The following CNTNAP2 variants were observed in gnomAD, a reference collection of about 807,000 sequenced individuals.
The protein encoded by CNTNAP2 is contactin associated protein 2.
Under a neutral mutation model 155.2 loss-of-function variants are expected in CNTNAP2, and 98 were observed. That is an observed-to-expected ratio of 0.63 (90% CI 0.54 to 0.75). CNTNAP2 has a LOEUF of 0.75. Among genes scored for constraint, CNTNAP2 ranks in the 30% least tolerant of loss-of-function variants. CNTNAP2 has a pLI of 0.00. For missense variants in CNTNAP2, 1,727 were observed against 1,688.1 expected (o/e 1.02, Z -0.40); for synonymous variants, 651 against 631.2 (o/e 1.03, Z -0.47).
intron 13 of CNTNAP2, among the ~76,000 whole-genome samples, chr7:147,751,804 T>C (rs554953603): frequency 6.6e-6 from 1 of 152,374 alleles, no homozygotes; most frequent in South Asian, 2.1e-4. Context: ...ATACATCCTC[T>C]TAGGTACCTG....
chr7:148,372,976 C>G (rs1037668780), intron 21 of CNTNAP2, among the ~76,000 whole-genome samples: 6 of 152,064 alleles, frequency 3.9e-5, no homozygotes, highest in African/African-American at 1.4e-4. Flanking sequence ...TTGCTTTGGC[C>G]TCCACAGGGT....
chr7:147,904,662 A>T (rs1355677387), intron 14 of CNTNAP2, among the ~76,000 whole-genome samples: 1 of 152,208 alleles, frequency 6.6e-6, no homozygotes, highest in African/African-American at 2.4e-5. Flanking sequence ...AACCAAAAAC[A>T]AATTCTGAGA....
intron 8 of CNTNAP2, among the ~76,000 whole-genome samples, chr7:147,193,625 C>A (rs1802724124): frequency 6.6e-6 from 1 of 152,068 alleles, no homozygotes; most frequent in Admixed American, 6.6e-5. Flanking sequence ...GGATGGGGAG[C>A]TCATGGAAGC....
At chr7:147,230,781 T>A (rs187505843) in intron 8 of CNTNAP2, among the ~76,000 whole-genome samples, 1 of 152,294 alleles carries the variant, frequency 6.6e-6, no homozygotes, top group Admixed American at 6.5e-5. Context: ...ACTATTCTCC[T>A]CTTTGTTTTT....
chr7:147,261,318 T>C (rs1332421198), intron 8 of CNTNAP2, among the ~76,000 whole-genome samples: 3 of 152,186 alleles, frequency 2.0e-5, no homozygotes, highest in Non-Finnish European at 4.4e-5. Context: ...ACTACTTCCT[T>C]ACTAAGCAAA....
chr7:147,348,762 G>GAATGAGCTAAA (rs1795921536), intron 9 of CNTNAP2, among the ~76,000 whole-genome samples: 1 of 151,958 alleles, frequency 6.6e-6, no homozygotes, highest in Non-Finnish European at 1.5e-5. Flanking sequence ...AACAACAGAT[G>GAATGAGCTAAA]AATGAGCTAA....
chr7:148,152,786 C>G (rs977222889), intron 17 of CNTNAP2, among the ~76,000 whole-genome samples: 1 of 151,958 alleles, frequency 6.6e-6, no homozygotes, highest in Non-Finnish European at 1.5e-5. Context: ...TTTGGGAGGC[C>G]GAGATGGGGG....
chr7:146,128,688 T>C (rs1797672498), intron 1 of CNTNAP2, among the ~76,000 whole-genome samples: 1 of 152,110 alleles, frequency 6.6e-6, no homozygotes, highest in African/African-American at 2.4e-5. Context: ...ATAAATACAA[T>C]TGAAAATGGA....
At chr7:148,237,160 C>T (rs1373751484) in intron 20 of CNTNAP2, among the ~76,000 whole-genome samples, 2 of 152,198 alleles carry the variant, frequency 1.3e-5, no homozygotes, top group African/African-American at 2.4e-5. Context: ...AGCACCCTGC[C>T]TTAAGATACC....
At position 146,295,560 on chromosome 7, in the gene CNTNAP2, T is replaced by G. The variant is rs1408190047; in HGVS notation, c.97+178587T>G. Among the ~76,000 whole-genome samples, 2 of 152,112 alleles carry G rather than the reference T, an allele frequency of 1.3e-5. 1 individual carries two copies. The highest frequency in any genetic ancestry group is 2.9e-5 in the Non-Finnish European group (2 of 67,992). ...AAATATGTGATAATCTAAATACATA[T>G]TATACCCCCATTCACCCATTAAAAT... On this transcript the variant is annotated intron_variant, in intron 1 of 23. Coordinates refer to ENST00000361727, the MANE Select transcript of CNTNAP2 (RefSeq NM_014141.6).
chr7:147,108,059 A>C, intron 4 of CNTNAP2, 88 bp from the exon 5 acceptor site: 4 of 1,161,810 alleles, frequency 3.4e-6, no homozygotes, highest in Admixed American at 1.8e-5. Flanking sequence ...CACTTACTTA[A>C]TTCTCATTTA....
chr7:146,924,281 C>T (rs1398994228), intron 3 of CNTNAP2, among the ~76,000 whole-genome samples: 1 of 151,952 alleles, frequency 6.6e-6, no homozygotes, highest in Non-Finnish European at 1.5e-5. Flanking sequence ...GAAAGTTGAT[C>T]CTGGTGTCTA....
At chr7:148,117,616 G>T (rs570914139) in intron 15 of CNTNAP2, among the ~76,000 whole-genome samples, 420 of 152,170 alleles carry the variant, frequency 2.8e-3, no homozygotes, top group Non-Finnish European at 3.5e-3. Flanking sequence ...GATGCTGCTT[G>T]CACCAGACCA....
At chr7:147,968,983 AT>A (rs1029848770) in intron 14 of CNTNAP2, among the ~76,000 whole-genome samples, 3 of 152,204 alleles carry the variant, frequency 2.0e-5, no homozygotes, top group Non-Finnish European at 2.9e-5. Context: ...TAAAAAGTGG[AT>A]TGGTCATTTC....
intron 13 of CNTNAP2, among the ~76,000 whole-genome samples, chr7:147,848,372 G>T (rs35799380): frequency 1.3e-5 from 2 of 149,390 alleles, no homozygotes; most frequent in African/African-American, 4.9e-5. Context: ...AGGTGCGTCC[G>T]TCACCCCTTT....
intron 1 of CNTNAP2, among the ~76,000 whole-genome samples, chr7:146,303,867 TG>T (rs1278123026): frequency 1.3e-5 from 2 of 152,106 alleles, no homozygotes; most frequent in Non-Finnish European, 2.9e-5. Context: ...GACAGTGGGG[TG>T]TTAAAGTCTC....
chr7:147,446,190 G>C (rs562180793), intron 10 of CNTNAP2, among the ~76,000 whole-genome samples: 1 of 147,256 alleles, frequency 6.8e-6, no homozygotes, highest in African/African-American at 2.5e-5. Flanking sequence ...TCTCACTGTC[G>C]GCCTCCTCTC....
chr7:146,170,809 C>T lies in CNTNAP2; in HGVS notation c.97+53836C>T, dbSNP rs555113833. 5.3e-5 allele frequency among the ~76,000 whole-genome samples: 8 copies of T among 152,110 alleles called. 1 individual carries two copies. The South Asian group carries it at 1.0e-3, about 20-fold the overall frequency. On this transcript the variant is annotated intron_variant, in intron 1 of 23. Transcript: ENST00000361727. ...TTGGGAGGCCGAGGCAGGCGGATCA[C>T]GAGGTCAGGAGTTCTGGACCAGCCT... is the stretch of plus-strand genomic sequence containing the variant.
chr7:146,706,247 A>G (rs1015258905), intron 1 of CNTNAP2, among the ~76,000 whole-genome samples: 1 of 152,148 alleles, frequency 6.6e-6, no homozygotes, highest in Non-Finnish European at 1.5e-5. Flanking sequence ...GTTCTCATGG[A>G]TTCTCATTGG....
Sources: allele counts gnomAD v4.1 joint callset (sites outside exome capture counted in the v4.1 genomes callset), GRCh38; gene constraint gnomAD v4.1.1; transcripts MANE v1.5; gene names NCBI Gene and HGNC (gene_info 2026-07-23, HGNC 2026-07-21).